Variants in EBF1 observed in about 807,000 individuals in gnomAD.
EBF1 encodes EBF transcription factor 1, also known as transcription factor COE1.
EBF1 carries 10 observed loss-of-function variants against 68.4 expected under a neutral mutation model. The observed-to-expected ratio is 0.15, with a 90% confidence interval of 0.09 to 0.25. EBF1 has a LOEUF of 0.25. Ranked by LOEUF, EBF1 falls within the 10% of genes least tolerant of loss-of-function variation. EBF1 has a pLI of 1.00. For missense variants in EBF1, 509 were observed against 794.4 expected (o/e 0.64, Z 4.32); for synonymous variants, 298 against 299.8 (o/e 0.99, Z 0.06).
chr5:158,941,521 A>G (rs1813391112), intron 6 of EBF1, among the ~76,000 whole-genome samples: 1 of 152,212 alleles, frequency 6.6e-6, no homozygotes, highest in Non-Finnish European at 1.5e-5. Context: ...CCACTGAATT[A>G]TCCAAACTTA....
At chr5:158,978,640 C>A (rs1180883832) in intron 6 of EBF1, among the ~76,000 whole-genome samples, 2 of 149,538 alleles carry the variant, frequency 1.3e-5, no homozygotes, top group African/African-American at 2.5e-5. Flanking sequence ...TTTTTTTTTA[C>A]ATTATCTGGA....
At chr5:159,077,251 A>T (rs561333483) in intron 5 of EBF1, among the ~76,000 whole-genome samples, 1 of 152,210 alleles carries the variant, frequency 6.6e-6, no homozygotes, top group Non-Finnish European at 1.5e-5. Flanking sequence ...CCTGGCCAAC[A>T]CGGTGAAACC....
At chr5:158,990,036 AG>A (rs1759974714) in intron 6 of EBF1, among the ~76,000 whole-genome samples, 1 of 152,190 alleles carries the variant, frequency 6.6e-6, no homozygotes, top group Non-Finnish European at 1.5e-5. Flanking sequence ...AAACCATTGG[AG>A]GGGGTGATTA....
rs144995382 is a variant in EBF1 at position 158,798,595 on chromosome 5, T to C, written c.779-2120A>G. ...TGAACTTGACCCCTTCCCTCTTTTTTCCCACTTGTTATACGTAGGATACAG... is the reference window on the plus strand; with the variant it reads ...TGAACTTGACCCCTTCCCTCTTTTTCCCCACTTGTTATACGTAGGATACAG... On this transcript the variant is annotated intron_variant, in intron 8 of 15. Transcript: ENST00000313708. Among the ~76,000 whole-genome samples, 101 of 152,272 alleles carry C rather than the reference T, an allele frequency of 6.6e-4. 1 individual carries two copies. The highest frequency in any genetic ancestry group is 2.3e-3 in the African/African-American group (95 of 41,548).
chr5:158,779,033 T>C (rs1045463732), intron 9 of EBF1, among the ~76,000 whole-genome samples: 2 of 152,032 alleles, frequency 1.3e-5, no homozygotes, highest in African/African-American at 4.8e-5. Flanking sequence ...TTTAATAATG[T>C]AGAGAGAATA....
chr5:158,702,372 C>T (rs1756934328), intron 15 of EBF1, among the ~76,000 whole-genome samples: 2 of 152,104 alleles, frequency 1.3e-5, no homozygotes, highest in South Asian at 4.1e-4. Context: ...ATGAGGACAC[C>T]ACCCTCTCAG....
chr5:158,945,064 T>C (rs1814349060), intron 6 of EBF1, among the ~76,000 whole-genome samples: 1 of 152,252 alleles, frequency 6.6e-6, no homozygotes. Context: ...GTGCAGAAGC[T>C]CTTTAGTTTA....
intron 6 of EBF1, among the ~76,000 whole-genome samples, chr5:159,011,813 T>C (rs1215706900): frequency 2.6e-5 from 4 of 152,180 alleles, no homozygotes; most frequent in Non-Finnish European, 5.9e-5. Context: ...TCTAACCAGA[T>C]AAGATGGGTT....
intron 10 of EBF1, among the ~76,000 whole-genome samples, chr5:158,755,592 G>A (rs1466797075): frequency 6.6e-6 from 1 of 152,072 alleles, no homozygotes; most frequent in African/African-American, 2.4e-5. Context: ...ATCTTTATTG[G>A]GATTAACTAG....
At chr5:158,974,750 A>G (rs1408318926) in intron 6 of EBF1, among the ~76,000 whole-genome samples, 1 of 152,220 alleles carries the variant, frequency 6.6e-6, no homozygotes, top group African/African-American at 2.4e-5. Flanking sequence ...CTTTAAGGAG[A>G]AAAAACAGCA....
At chr5:158,810,796 C>T (rs1170290048) in intron 8 of EBF1, among the ~76,000 whole-genome samples, 2 of 152,316 alleles carry the variant, frequency 1.3e-5, no homozygotes, top group South Asian at 2.1e-4. Context: ...TTTCTGCACC[C>T]TGTGGGCTCA....
At chr5:158,898,963 G>A (rs1266938361) in intron 6 of EBF1, among the ~76,000 whole-genome samples, 1 of 152,172 alleles carries the variant, frequency 6.6e-6, no homozygotes, top group Non-Finnish European at 1.5e-5. Context: ...CAAGGTTTCA[G>A]CCCAAGATGC....
intron 2 of EBF1, 185 bp from the exon 3 acceptor site, chr5:159,096,591 C>T: frequency 1.5e-6 from 1 of 661,276 alleles, no homozygotes; most frequent in Non-Finnish European, 2.6e-6. Context: ...CTGACTGCTC[C>T]CTCTCTCCCA....
At chr5:158,729,099 C>T (rs1469849034) in intron 11 of EBF1, among the ~76,000 whole-genome samples, 1 of 152,220 alleles carries the variant, frequency 6.6e-6, no homozygotes, top group African/African-American at 2.4e-5. Context: ...CCCATTCTCA[C>T]TCAACTGGCA....
intron 6 of EBF1, among the ~76,000 whole-genome samples, chr5:158,944,003 A>T (rs1172337122): frequency 6.6e-6 from 1 of 152,204 alleles, no homozygotes; most frequent in Non-Finnish European, 1.5e-5. Flanking sequence ...AAGCACTCCA[A>T]GCAGCCACAA....
chr5:158,918,502 T>TATGAG, intron 6 of EBF1, among the ~76,000 whole-genome samples: 1 of 121,160 alleles, frequency 8.3e-6, no homozygotes, highest in South Asian at 2.3e-4. Flanking sequence ...CCATTAGTGT[T>TATGAG]ACGAGACAGA....
intron 4 of EBF1, among the ~76,000 whole-genome samples, chr5:159,085,249 A>G (rs1233237615): frequency 2.6e-5 from 4 of 152,140 alleles, no homozygotes; most frequent in Non-Finnish European, 5.9e-5. Flanking sequence ...GTTTGCAATG[A>G]TTTATCAATC....
intron 6 of EBF1, among the ~76,000 whole-genome samples, chr5:159,051,523 G>T (rs1005146724): frequency 6.6e-6 from 1 of 150,502 alleles, no homozygotes; most frequent in Non-Finnish European, 1.5e-5. Context: ...ACAAACTGGA[G>T]CCGGGGCCTT....
At chr5:159,080,384 C>T (rs1462273672) in intron 5 of EBF1, among the ~76,000 whole-genome samples, 2 of 152,178 alleles carry the variant, frequency 1.3e-5, no homozygotes, top group African/African-American at 4.8e-5. Flanking sequence ...TCCCAGGCCA[C>T]ACCATAAGCT....
Sources: gnomAD v4.1 joint callset for allele counts (sites outside exome capture counted in the v4.1 genomes callset) on GRCh38, gnomAD v4.1.1 for gene constraint, MANE v1.5 for transcripts, NCBI Gene and HGNC (gene_info 2026-07-23, HGNC 2026-07-21) for gene names.